SLC37A1: variants seen among roughly 807,000 people sequenced by gnomAD.
The protein encoded by SLC37A1 is solute carrier family 37 member 1.
In SLC37A1, 49 loss-of-function variants were observed where a neutral mutation model predicts 75.3. The observed-to-expected ratio is 0.65, with a 90% CI of 0.52 to 0.83. The LOEUF is 0.83. Ranked by LOEUF, SLC37A1 falls within the 40% of genes least tolerant of loss-of-function variation. SLC37A1 has a pLI of 0.00. For synonymous variants in SLC37A1, 268 were observed against 292.1 expected, an observed-to-expected ratio of 0.92 and a Z score of 0.84; for missense variants, 566 against 695.0, an observed-to-expected ratio of 0.81 and a Z score of 2.09.
Position 42,543,441 on chromosome 21 carries a change from G to A in SLC37A1, c.569G>A (p.Gly190Asp). 2.5e-6 allele frequency: 4 copies of A among 1,614,168 alleles called. No homozygotes were observed. The highest frequency in any genetic ancestry group is 1.7e-4 in the Middle Eastern group (1 of 6,058). The change falls in exon 8 of 20, where the codon GGT becomes GAT. Residue 190 changes from glycine (G) to aspartate (D), a missense_variant. By Grantham distance (94) the Gly-to-Asp change is moderately conservative. Transcript: ENST00000352133. ...TCTGTTTTGTTGTGCTGCAGGAGAG[G>A]TTTGATTATGGGGGTCTGGAACTCC... ...LGNWFGKGRR[G>D]LIMGVWNSHT...
chr21:42,510,938 TC>T (rs2054427446), upstream of SLC37A1, among the ~76,000 whole-genome samples: 1 of 152,146 alleles, frequency 6.6e-6, no homozygotes, highest in Non-Finnish European at 1.5e-5. Context: ...GAATAGATGA[TC>T]CAGACAGAAG....
At chr21:42,556,384 G>A (rs551131736) in intron 10 of SLC37A1, among the ~76,000 whole-genome samples, 1 of 152,358 alleles carries the variant, frequency 6.6e-6, no homozygotes, top group African/African-American at 2.4e-5. Flanking sequence ...CGTGCACTTT[G>A]CACGCCAAGT....
At position 42,539,498 on chromosome 21, in the gene SLC37A1, T is replaced by C; in HGVS notation, c.351-14T>C. The C allele has an allele frequency of 1.2e-6, 2 of 1,601,226 alleles. No individual in the cohort carries two copies. The highest frequency in any genetic ancestry group is 1.7e-6 in the Non-Finnish European group (2 of 1,175,188). On this transcript the variant is annotated splice_polypyrimidine_tract_variant and intron_variant, in intron 5 of 19. Transcript: ENST00000352133. ...TTTGTTATTCCTATTTGTCTTTCCT[T>C]CTCTCCACCTCAGTGGCATCATTGG... is the stretch of plus-strand genomic sequence containing the variant.
At chr21:42,508,221 C>T (rs770680884) in intron 2 of SLC37A1, among the ~76,000 whole-genome samples, 3 of 150,594 alleles carry the variant, frequency 2.0e-5, no homozygotes, top group Non-Finnish European at 2.9e-5. Context: ...CTCTGCCTCC[C>T]GGGTTCAAGC....
intron 5 of SLC37A1, among the ~76,000 whole-genome samples, chr21:42,535,849 C>G (rs2055124084): frequency 6.6e-6 from 1 of 152,240 alleles, no homozygotes; most frequent in African/African-American, 2.4e-5. Context: ...ATGAATCCTG[C>G]CAATCCTGGG....
chr21:42,504,557 C>T (rs1056621599), intron 2 of SLC37A1, among the ~76,000 whole-genome samples: 2 of 152,104 alleles, frequency 1.3e-5, no homozygotes, highest in Non-Finnish European at 2.9e-5. Context: ...AAAATTTATA[C>T]AGTAAAGGGA....
At chr21:42,577,704 G>A (rs560148070) in intron 18 of SLC37A1, among the ~76,000 whole-genome samples, 2 of 152,364 alleles carry the variant, frequency 1.3e-5, no homozygotes, top group Admixed American at 6.5e-5. Flanking sequence ...AATGATCCCA[G>A]CATGCCAGCA....
Position 42,518,292 on chromosome 21 carries a change from C to A in SLC37A1, c.-163C>A. The A allele has an allele frequency of 1.3e-6, 1 of 771,694 alleles. No homozygotes were observed. The highest frequency in any genetic ancestry group is 2.2e-6 in the Non-Finnish European group (1 of 461,900). The allele number at this position is 771,694 out of a possible 1,614,324, so 47.8% of individuals were successfully genotyped here. Reference sequence around the variant, plus strand: ...CTCCTTGTAGAGAGCAGAGCCACTGCCAGAAGGAAGGGGACAAGACCCAGC... The same window carrying A: ...CTCCTTGTAGAGAGCAGAGCCACTGACAGAAGGAAGGGGACAAGACCCAGC... On this transcript the variant is annotated 5_prime_UTR_variant, in exon 2 of 20. Coordinates refer to ENST00000352133, the MANE Select transcript of SLC37A1 (RefSeq NM_001320537.2).
chr21:42,504,736 A>G (rs1483249456), intron 2 of SLC37A1, among the ~76,000 whole-genome samples: 1 of 152,182 alleles, frequency 6.6e-6, no homozygotes, highest in East Asian at 1.9e-4. Flanking sequence ...CCTCCCCTAC[A>G]TTCCAGATCC....
chr21:42,519,405 A>C (rs58719453), intron 2 of SLC37A1, among the ~76,000 whole-genome samples: 9,027 of 152,166 alleles, frequency 0.059, 887 homozygotes, highest in African/African-American at 0.21. Flanking sequence ...TTCCTGTTTC[A>C]GTGCAGTGTG....
intron 3 of SLC37A1, chr21:42,526,084 G>T: frequency 4.4e-6 from 2 of 455,940 alleles, no homozygotes; most frequent in Non-Finnish European, 3.9e-6. Context: ...AGTTTTATTA[G>T]TTGACATTTC....
At chr21:42,531,437 G>A (rs1298849438) in intron 3 of SLC37A1, among the ~76,000 whole-genome samples, 1 of 152,264 alleles carries the variant, frequency 6.6e-6, no homozygotes. Flanking sequence ...TAAGTGTGGA[G>A]TTCAGTTGCT....
chr21:42,558,559 T>G (rs537386248), intron 10 of SLC37A1, among the ~76,000 whole-genome samples: 1 of 152,228 alleles, frequency 6.6e-6, no homozygotes, highest in Non-Finnish European at 1.5e-5. Flanking sequence ...GATGTGTTAT[T>G]TAATGTGTCA....
intron 6 of SLC37A1, 64 bp from the exon 7 acceptor site, chr21:42,542,340 T>C: frequency 6.8e-7 from 1 of 1,476,020 alleles, no homozygotes; most frequent in Non-Finnish European, 9.4e-7. Flanking sequence ...TCTGTGCACC[T>C]CCCTGCAGCG....
intron 3 of SLC37A1, among the ~76,000 whole-genome samples, chr21:42,530,338 A>G (rs746329870): frequency 4.6e-5 from 7 of 152,094 alleles, no homozygotes; most frequent in Non-Finnish European, 8.8e-5. Context: ...AGTGTGTATA[A>G]TGCATTTCAC....
At chr21:42,521,354 ATTT>A (rs762392427) in intron 2 of SLC37A1, among the ~76,000 whole-genome samples, 44 of 152,156 alleles carry the variant, frequency 2.9e-4, no homozygotes, top group Non-Finnish European at 5.4e-4. Context: ...ATAAAAAAGG[ATTT>A]TGGGAGGGCT....
intron 3 of SLC37A1, among the ~76,000 whole-genome samples, chr21:42,533,408 G>A (rs553114415): frequency 3.9e-5 from 6 of 152,312 alleles, no homozygotes; most frequent in African/African-American, 1.4e-4. Context: ...AGAAGCATGG[G>A]AGCGACAGAG....
In SLC37A1 at chr21:42,548,596, T is replaced by G. The variant is rs904179738; in HGVS notation, c.768+1456T>G. Among the ~76,000 whole-genome samples the G allele has an allele frequency of 5.9e-5, 9 of 152,134 alleles. No individual in the cohort carries two copies. The highest frequency in any genetic ancestry group is 3.3e-4 in the Admixed American group (5 of 15,278). On this transcript the variant is annotated intron_variant, in intron 9 of 19. Coordinates refer to ENST00000352133, the MANE Select transcript of SLC37A1 (RefSeq NM_001320537.2). This position sits in a 1 kb window ranked among gnomAD's most constrained non-coding sequence, Gnocchi z 5.6. Reference sequence around the variant, plus strand: ...TGGTCCCCGTCACCACCGTCAGCTCTCCTCCGAGCCACTGCTCATCAGCCT... The same window carrying G: ...TGGTCCCCGTCACCACCGTCAGCTCGCCTCCGAGCCACTGCTCATCAGCCT...
At chr21:42,572,783 G>A (rs2056216686) in intron 17 of SLC37A1, among the ~76,000 whole-genome samples, 2 of 118,296 alleles carry the variant, frequency 1.7e-5, no homozygotes, top group Admixed American at 1.0e-4. Flanking sequence ...GGTGCTGTGA[G>A]CTCTGGGAAT....
Sources: gnomAD v4.1 joint callset for allele counts (sites outside exome capture counted in the v4.1 genomes callset) on GRCh38, gnomAD v4.1.1 for gene constraint, Gnocchi (gnomAD v3.1) non-coding constraint, MANE v1.5 for transcripts, NCBI Gene and HGNC (gene_info 2026-07-23, HGNC 2026-07-21) for gene names.